Variants in DUSP16 observed in about 807,000 individuals in gnomAD.
DUSP16 encodes the protein dual specificity protein phosphatase 16.
In DUSP16, 21 loss-of-function variants were observed where a neutral mutation model predicts 58.3. The ratio of observed to expected loss-of-function variants is 0.36; its 90% CI spans 0.26 to 0.52. The LOEUF (loss-of-function observed/expected upper bound fraction) is 0.52, where lower values mean the gene tolerates loss of function less well. DUSP16 is among the 20% of genes least tolerant of loss of function. DUSP16 has a pLI of 0.94. For missense variants in DUSP16, 726 were observed against 819.0 expected, an observed-to-expected ratio of 0.89 and a Z score of 1.39; for synonymous variants, 320 against 323.8, an observed-to-expected ratio of 0.99 and a Z score of 0.12.
In DUSP16 at chr12:12,544,029, C is replaced by A. The variant is rs187467504; in HGVS notation, c.-366+18088G>T. 1.1e-3 allele frequency among the ~76,000 whole-genome samples: 164 copies of A among 151,994 alleles called. 2 individuals are homozygous for A. In the Middle Eastern group the frequency reaches 0.061, roughly 57 times the overall value. On this transcript the variant is annotated intron_variant, in intron 1 of 6. Coordinates refer to ENST00000298573, the MANE Select transcript of DUSP16 (RefSeq NM_030640.3). The stretch of plus-strand genomic sequence containing the variant: ...TATAACATATATGCCAATAAGCATA[C>A]ACAAATCATGAATGTACAGCTCAAA...
At chr12:12,492,918 CCTCAATATTTACTT>C (rs1943781036) in intron 4 of DUSP16, among the ~76,000 whole-genome samples, 1 of 152,186 alleles carries the variant, frequency 6.6e-6, no homozygotes, top group Non-Finnish European at 1.5e-5. Context: ...TTCCTTCCTT[CCTCAATATTTACTT>C]CTCAATATTC....
intron 1 of DUSP16, among the ~76,000 whole-genome samples, chr12:12,539,269 A>G (rs1174718593): frequency 1.3e-5 from 2 of 152,226 alleles, no homozygotes; most frequent in Non-Finnish European, 2.9e-5. Context: ...TATGTAAGAG[A>G]TCCAGTTCTC....
intron 1 of DUSP16, among the ~76,000 whole-genome samples, chr12:12,539,130 G>A (rs1335732426): frequency 6.6e-6 from 1 of 152,174 alleles, no homozygotes; most frequent in African/African-American, 2.4e-5. Flanking sequence ...ACTGTCACAA[G>A]GGACAGGTCA....
intron 4 of DUSP16, among the ~76,000 whole-genome samples, chr12:12,499,524 A>G (rs1943880165): frequency 6.6e-6 from 1 of 152,142 alleles, no homozygotes; most frequent in African/African-American, 2.4e-5. Flanking sequence ...TTGCTACCCA[A>G]TGACCCGATG....
chr12:12,550,415 T>C (rs1352142529), intron 1 of DUSP16, among the ~76,000 whole-genome samples: 1 of 152,194 alleles, frequency 6.6e-6, no homozygotes, highest in East Asian at 1.9e-4. Context: ...TTTTTGATAA[T>C]ATGAAGATGT....
chr12:12,481,972 C>T (rs1444258505), intron 5 of DUSP16, among the ~76,000 whole-genome samples: 1 of 152,146 alleles, frequency 6.6e-6, no homozygotes, highest in Non-Finnish European at 1.5e-5. Context: ...CATTTCCTAG[C>T]CCCTATTACT....
intron 1 of DUSP16, among the ~76,000 whole-genome samples, chr12:12,538,419 C>A (rs943340269): frequency 3.3e-5 from 5 of 152,110 alleles, no homozygotes; most frequent in Non-Finnish European, 7.4e-5. Flanking sequence ...TGTCTTCTGG[C>A]AAGTTAATAA....
At chr12:12,553,151 T>C (rs1227941606) in intron 1 of DUSP16, among the ~76,000 whole-genome samples, 1 of 152,196 alleles carries the variant, frequency 6.6e-6, no homozygotes, top group Non-Finnish European at 1.5e-5. Flanking sequence ...ATGTTAAGTA[T>C]GGACAGACAT....
chr12:12,508,172 T>C (rs1411109986), intron 3 of DUSP16, among the ~76,000 whole-genome samples: 1 of 152,224 alleles, frequency 6.6e-6, no homozygotes, highest in South Asian at 2.1e-4. Flanking sequence ...AGTACTTTAA[T>C]TGCTCTTAAG....
In DUSP16 at chr12:12,562,530, A is replaced by G. The variant is rs1293367603; in HGVS notation, c.-779T>C. 7.7e-6 allele frequency: 1 copy of G among 129,966 alleles called. No homozygotes were observed. The highest frequency in any genetic ancestry group is 1.6e-5 in the Non-Finnish European group (1 of 61,894). 8.1% of individuals were successfully genotyped at this position (129,966 alleles called of 1,614,324 possible). On this transcript the variant is annotated 5_prime_UTR_variant, in exon 1 of 7. Transcript: ENST00000298573. ...GTTTAAAAACTGATTAAAGCCCCCC[A>G]AACACTGATACATAGAAAGAGGGGG...
chr12:12,493,315 T>A (rs1165050874), intron 4 of DUSP16, among the ~76,000 whole-genome samples: 1 of 152,164 alleles, frequency 6.6e-6, no homozygotes, highest in Non-Finnish European at 1.5e-5. Context: ...GGCTATACCT[T>A]CAATATAGAG....
At chr12:12,560,487 A>T (rs538489422) in intron 1 of DUSP16, among the ~76,000 whole-genome samples, 5 of 152,330 alleles carry the variant, frequency 3.3e-5, no homozygotes, top group South Asian at 2.1e-4. Flanking sequence ...ATTAAAAAAA[A>T]TTTTAATGCA....
chr12:12,545,166 G>A (rs1944622877), intron 1 of DUSP16, among the ~76,000 whole-genome samples: 1 of 152,046 alleles, frequency 6.6e-6, no homozygotes, highest in Non-Finnish European at 1.5e-5. Context: ...ATTTTTTGAT[G>A]CTATTATAAA....
chr12:12,532,199 G>C (rs1388924976), intron 1 of DUSP16, among the ~76,000 whole-genome samples: 3 of 152,080 alleles, frequency 2.0e-5, no homozygotes, highest in African/African-American at 7.3e-5. Flanking sequence ...TTACAAGAAA[G>C]TGCTTTATCT....
intron 4 of DUSP16, among the ~76,000 whole-genome samples, chr12:12,487,526 A>G (rs1231469841): frequency 2.6e-5 from 4 of 152,228 alleles, no homozygotes; most frequent in South Asian, 2.1e-4. Flanking sequence ...ATATATGGAC[A>G]CACAACATTT....
chr12:12,551,917 C>T (rs1167835883), intron 1 of DUSP16, among the ~76,000 whole-genome samples: 3 of 152,068 alleles, frequency 2.0e-5, no homozygotes, highest in Non-Finnish European at 4.4e-5. Flanking sequence ...TGGTCTTGAT[C>T]TCCTGACCTC....
chr12:12,544,988 T>C (rs1299569194), intron 1 of DUSP16, among the ~76,000 whole-genome samples: 4 of 152,220 alleles, frequency 2.6e-5, no homozygotes, highest in Admixed American at 2.6e-4. Context: ...TCCATTCATT[T>C]ATTCCACACT....
chr12:12,481,582 G>A (rs1200160615), intron 5 of DUSP16, among the ~76,000 whole-genome samples: 1 of 152,172 alleles, frequency 6.6e-6, no homozygotes, highest in Non-Finnish European at 1.5e-5. Flanking sequence ...AGTTTCTAGT[G>A]TAATGATTAT....
intron 1 of DUSP16, among the ~76,000 whole-genome samples, chr12:12,540,692 T>C (rs1944538733): frequency 6.6e-6 from 1 of 152,144 alleles, no homozygotes; most frequent in Admixed American, 6.6e-5. Context: ...ATCCCACCTA[T>C]GTATTTATTC....
Sources: allele counts gnomAD v4.1 joint callset (sites outside exome capture counted in the v4.1 genomes callset), GRCh38; gene constraint gnomAD v4.1.1; transcripts MANE v1.5; gene names NCBI Gene and HGNC (gene_info 2026-07-23, HGNC 2026-07-21).